Variants in ZBTB20 observed in about 807,000 individuals in gnomAD.
ZBTB20 encodes zinc finger and BTB domain containing 20.
In ZBTB20, 9 loss-of-function variants were observed where a neutral mutation model predicts 56.9. That is an observed-to-expected ratio of 0.16 (90% confidence interval 0.10 to 0.28). ZBTB20 has a LOEUF of 0.28. Ranked by LOEUF, ZBTB20 falls within the 10% of genes least tolerant of loss-of-function variation. The pLI is 1.00. For synonymous variants in ZBTB20, 417 were observed against 420.7 expected (o/e 0.99, Z 0.11); for missense variants, 655 against 1,003.0 (o/e 0.65, Z 4.69).
At chr3:114,466,934 T>A (rs1170439201) in intron 7 of ZBTB20, among the ~76,000 whole-genome samples, 2 of 152,210 alleles carry the variant, frequency 1.3e-5, no homozygotes, top group Admixed American at 6.5e-5. Flanking sequence ...TTGAGGAATA[T>A]CATTTGCTAT....
chr3:114,769,254 A>G (rs903518610), intron 5 of ZBTB20, among the ~76,000 whole-genome samples: 2 of 152,030 alleles, frequency 1.3e-5, no homozygotes, highest in Non-Finnish European at 2.9e-5. Flanking sequence ...CAAGTTGACA[A>G]ATCACTTATA....
chr3:114,776,347 C>CTACA (rs765214396), intron 5 of ZBTB20, among the ~76,000 whole-genome samples: 15 of 151,852 alleles, frequency 9.9e-5, no homozygotes, highest in Non-Finnish European at 1.6e-4. Context: ...TGGGCCCTAA[C>CTACA]TACAATTCTA....
chr3:114,963,861 A>G (rs2077543314), intron 3 of ZBTB20, among the ~76,000 whole-genome samples: 2 of 152,128 alleles, frequency 1.3e-5, no homozygotes, highest in South Asian at 4.1e-4. Context: ...CAAAACAAAC[A>G]CCTTGGCCTC....
intron 5 of ZBTB20, among the ~76,000 whole-genome samples, chr3:114,794,269 A>C (rs886702473): frequency 6.6e-6 from 1 of 152,038 alleles, no homozygotes; most frequent in African/African-American, 2.4e-5. Flanking sequence ...AATGGATTGT[A>C]ATATATATTG....
At chr3:114,872,213 C>T (rs955633167) in intron 4 of ZBTB20, among the ~76,000 whole-genome samples, 1 of 152,060 alleles carries the variant, frequency 6.6e-6, no homozygotes, top group Non-Finnish European at 1.5e-5. Flanking sequence ...TTGTGACATG[C>T]TTACTGGCAG....
chr3:115,004,366 T>C (rs1421482639), intron 2 of ZBTB20, among the ~76,000 whole-genome samples: 1 of 151,714 alleles, frequency 6.6e-6, no homozygotes. Flanking sequence ...AGACTGAACA[T>C]TACATTACAT....
At chr3:115,119,045 T>C (rs1300999989) in intron 1 of ZBTB20, among the ~76,000 whole-genome samples, 1 of 152,136 alleles carries the variant, frequency 6.6e-6, no homozygotes, top group Non-Finnish European at 1.5e-5. Flanking sequence ...AGATAATGTC[T>C]AAAATACTGG....
chr3:114,436,073 C>T (rs2090493720), intron 7 of ZBTB20, among the ~76,000 whole-genome samples: 1 of 152,188 alleles, frequency 6.6e-6, no homozygotes, highest in Non-Finnish European at 1.5e-5. Context: ...TGGTGCAATC[C>T]ACCTTCCCAC....
At chr3:115,122,113 C>T (rs537905624) in intron 1 of ZBTB20, among the ~76,000 whole-genome samples, 43 of 151,920 alleles carry the variant, frequency 2.8e-4, no homozygotes, top group Admixed American at 1.2e-3. Context: ...GAGGCAAATA[C>T]AAGCATATCG....
chr3:114,854,014 T>A (rs1265639537), intron 4 of ZBTB20, among the ~76,000 whole-genome samples: 1 of 152,166 alleles, frequency 6.6e-6, no homozygotes, highest in Non-Finnish European at 1.5e-5. Flanking sequence ...AGTTCCTATT[T>A]TCTGAAACAA....
At chr3:114,886,821 G>A (rs2076618930) in intron 4 of ZBTB20, among the ~76,000 whole-genome samples, 2 of 152,110 alleles carry the variant, frequency 1.3e-5, no homozygotes, top group Admixed American at 1.3e-4. Flanking sequence ...AAAAACAGAG[G>A]ACAGGATAAA....
At chr3:114,410,194 A>T (rs1223196161) in intron 7 of ZBTB20, among the ~76,000 whole-genome samples, 3 of 151,782 alleles carry the variant, frequency 2.0e-5, no homozygotes, top group Non-Finnish European at 4.4e-5. Context: ...GAATCAGCGA[A>T]CTCCATGTTT....
intron 1 of ZBTB20, among the ~76,000 whole-genome samples, chr3:115,089,834 T>C (rs1222060222): frequency 6.6e-6 from 1 of 151,854 alleles, no homozygotes; most frequent in Non-Finnish European, 1.5e-5. Context: ...TTTAGCATTA[T>C]AGGACAAGAG....
intron 6 of ZBTB20, among the ~76,000 whole-genome samples, chr3:114,587,409 C>T (rs1315350414): frequency 6.6e-6 from 1 of 152,096 alleles, no homozygotes. Flanking sequence ...ATGTCAAGGA[C>T]TAGACAAAAG....
Position 114,338,884 on chromosome 3 carries a change from C to A in ZBTB20, c.*121G>T. On this transcript the variant is annotated 3_prime_UTR_variant, in exon 12 of 12. Transcript: ENST00000675478. ...AGTACAAAATGAAACGAAACAAAAA[C>A]AAAAACAGAAAGTAAAAATGAAACC... The A allele has an allele frequency of 1.6e-6, 2 of 1,253,630 alleles. No individual in the cohort carries two copies. Among genetic ancestry groups the A allele is most frequent in the Non-Finnish European group, 1.1e-6 (1 of 932,908 alleles). The allele number at this position is 1,253,630 out of a possible 1,614,324, so 77.7% of individuals were successfully genotyped here. A position where few individuals can be genotyped will look rare whatever the true frequency, so the allele number is the denominator to read the frequency against.
intron 5 of ZBTB20, chr3:114,791,991 A>G (rs1019977839): frequency 3.3e-5 from 5 of 152,074 alleles, no homozygotes; most frequent in African/African-American, 1.2e-4. Context: ...TTTGGGATAC[A>G]TGAAGGGGTG....
At chr3:114,970,510 T>A (rs1476237802) in intron 3 of ZBTB20, among the ~76,000 whole-genome samples, 2 of 152,210 alleles carry the variant, frequency 1.3e-5, no homozygotes, top group Admixed American at 1.3e-4. Flanking sequence ...GCTTGCTTCA[T>A]TTATTAGTGT....
chr3:114,821,444 A>G (rs1267253661), intron 4 of ZBTB20, among the ~76,000 whole-genome samples: 1 of 152,052 alleles, frequency 6.6e-6, no homozygotes, highest in Non-Finnish European at 1.5e-5. Flanking sequence ...AACTCTAAAT[A>G]CCTACTGTGC....
chr3:114,800,571 T>C (rs2071636332), intron 5 of ZBTB20, among the ~76,000 whole-genome samples: 1 of 151,824 alleles, frequency 6.6e-6, no homozygotes, highest in Non-Finnish European at 1.5e-5. Context: ...AAGGGAATTA[T>C]GCATTTTACT....
Sources: allele counts gnomAD v4.1 joint callset (sites outside exome capture counted in the v4.1 genomes callset), GRCh38; gene constraint gnomAD v4.1.1; transcripts MANE v1.5; gene names NCBI Gene and HGNC (gene_info 2026-07-23, HGNC 2026-07-21).